The following PKD1L1 variants were observed in gnomAD, a reference collection of about 807,000 sequenced individuals.
PKD1L1 encodes the protein polycystin 1 like 1, transient receptor potential channel interacting.
In PKD1L1, 236 loss-of-function variants were observed where a neutral mutation model predicts 323.4. The observed-to-expected ratio is 0.73, with a 90% CI of 0.66 to 0.81. PKD1L1 has a LOEUF of 0.81. PKD1L1 is among the 40% of genes least tolerant of loss of function. The pLI is 0.00. For missense variants in PKD1L1, 3,320 were observed against 3,508.0 expected, an observed-to-expected ratio of 0.95 and a Z score of 1.35; for synonymous variants, 1,344 against 1,335.0, an observed-to-expected ratio of 1.01 and a Z score of -0.15.
intron 55 of PKD1L1, among the ~76,000 whole-genome samples, chr7:47,794,542 C>T (rs1442833237): frequency 6.6e-6 from 1 of 152,196 alleles, no homozygotes; most frequent in Non-Finnish European, 1.5e-5. Context: ...CCTGGATACC[C>T]AGGCAAAAGT....
chr7:47,795,916 C>T (rs2128724473), intron 55 of PKD1L1, 73 bp downstream of exon 55: 1 of 1,528,706 alleles, frequency 6.5e-7, no homozygotes, highest in Non-Finnish European at 8.9e-7. Context: ...TAACTGAAAG[C>T]AAAATTCTGC....
At chr7:47,827,715 G>A (rs1179803579) in intron 44 of PKD1L1, among the ~76,000 whole-genome samples, 1 of 152,198 alleles carries the variant, frequency 6.6e-6, no homozygotes, top group Non-Finnish European at 1.5e-5. Flanking sequence ...AGGGATTGCA[G>A]TTGGGCTATT....
chr7:47,940,463 G>T (rs1207493605), intron 2 of PKD1L1, 146 bp from the exon 3 acceptor site: 1 of 706,818 alleles, frequency 1.4e-6, no homozygotes, highest in Non-Finnish European at 2.3e-6. Flanking sequence ...GCGTGTCCTT[G>T]GGCTGCCGTG....
intron 34 of PKD1L1, among the ~76,000 whole-genome samples, chr7:47,841,371 C>T (rs577340147): frequency 1.3e-5 from 2 of 152,304 alleles, no homozygotes; most frequent in Non-Finnish European, 2.9e-5. Flanking sequence ...ATCTCAGGTG[C>T]TACAGTTTCA....
rs371888642 is a variant in PKD1L1, at chr7:47,905,175, C to A, written c.1673G>T (p.Arg558Ile). 1 of 1,613,930 alleles carries A rather than the reference C, an allele frequency of 6.2e-7. No homozygotes were observed. The highest frequency in any genetic ancestry group is 1.1e-5 in the South Asian group (1 of 91,038). The change falls in exon 11 of 57, where the codon AGA becomes ATA. Residue 558 changes from arginine (R) to isoleucine (I), a missense_variant. By Grantham distance (97) the Arg-to-Ile change is moderately conservative. Transcript: ENST00000289672. ...TACTGACCATTGGGGGATGCTGAGT[C>A]TTTTTTTAATGCTTCTTGAAGTTGT... ...VRTTSRSIKK[R>I]LSIPQWYRVM...
intron 7 of PKD1L1, among the ~76,000 whole-genome samples, chr7:47,918,944 G>A (rs1168444876): frequency 1.3e-5 from 2 of 151,916 alleles, no homozygotes; most frequent in Admixed American, 1.3e-4. Flanking sequence ...ACAATCTAAG[G>A]TCACACCTCA....
chr7:47,868,949 T>C (rs1213485651), intron 24 of PKD1L1, among the ~76,000 whole-genome samples: 6 of 152,170 alleles, frequency 3.9e-5, no homozygotes, highest in Non-Finnish European at 8.8e-5. Flanking sequence ...GTAACACTGA[T>C]AGATGTAACA....
At chr7:47,882,616 A>G (rs74361941) in intron 19 of PKD1L1, among the ~76,000 whole-genome samples, 3,154 of 144,422 alleles carry the variant, frequency 0.022, 92 homozygotes, top group African/African-American at 0.075. Context: ...AAGCATCTGA[A>G]GGAAGGAGTT....
chr7:47,957,860 A>ATATATATATATATATAT, the PKD1L1 span, among the ~76,000 whole-genome samples: 7,795 of 123,222 alleles, frequency 0.063, 502 homozygotes, highest in Admixed American at 0.11. Context: ...CAATTAAAAA[A>ATATATATATATATATAT]AAATATATAT....
At chr7:47,810,324 C>T (rs1346077398) in intron 50 of PKD1L1, among the ~76,000 whole-genome samples, 1 of 152,204 alleles carries the variant, frequency 6.6e-6, no homozygotes, top group Non-Finnish European at 1.5e-5. Flanking sequence ...AAGAAACTAT[C>T]AGGAAAACTG....
At chr7:47,834,863 A>C in intron 39 of PKD1L1, 104 bp downstream of exon 39, 2 of 952,198 alleles carry the variant, frequency 2.1e-6, no homozygotes, top group East Asian at 4.9e-5. Context: ...ACTCATAATA[A>C]ACATAATGCA....
chr7:47,821,620 T>A (rs937078877), intron 45 of PKD1L1, among the ~76,000 whole-genome samples: 2 of 151,594 alleles, frequency 1.3e-5, no homozygotes, highest in African/African-American at 2.4e-5. Flanking sequence ...AAAATTTTTG[T>A]ATAATAGTGT....
chr7:47,847,178 A>G (rs370573594), intron 31 of PKD1L1, 107 bp from the exon 32 acceptor site: 14 of 762,022 alleles, frequency 1.8e-5, no homozygotes, highest in Admixed American at 7.6e-5. Context: ...CAAGGACTAC[A>G]GATGAGCAAG....
intron 12 of PKD1L1, 124 bp from the exon 13 acceptor site, chr7:47,902,635 TAAG>T (rs1010821633): frequency 1.1e-5 from 14 of 1,222,538 alleles, no homozygotes; most frequent in Admixed American, 9.2e-5. Context: ...ATCCCATGAA[TAAG>T]AACAGAAGAG....
intron 45 of PKD1L1, among the ~76,000 whole-genome samples, chr7:47,822,455 C>T (rs1226655009): frequency 6.6e-6 from 1 of 151,580 alleles, no homozygotes; most frequent in Non-Finnish European, 1.5e-5. Flanking sequence ...AAGAGCCAGG[C>T]ATGGTGGCAG....
chr7:47,775,871 G>A (rs1377502604), intron 56 of PKD1L1, among the ~76,000 whole-genome samples: 4 of 147,558 alleles, frequency 2.7e-5, no homozygotes, highest in Admixed American at 6.7e-5. Flanking sequence ...TCCTTGAGAA[G>A]ATCAATTAAA....
chr7:47,804,435 A>C (rs765239459), intron 52 of PKD1L1, among the ~76,000 whole-genome samples: 3 of 152,040 alleles, frequency 2.0e-5, no homozygotes, highest in Non-Finnish European at 2.9e-5. Context: ...ATATGTAACC[A>C]ACATAAAAAT....
chr7:47,862,339 A>G (rs1390392471), intron 26 of PKD1L1, among the ~76,000 whole-genome samples: 2 of 152,104 alleles, frequency 1.3e-5, no homozygotes, highest in East Asian at 3.9e-4. Context: ...TCCCACCTAG[A>G]CTGGAGGTTG....
At position 47,893,945 on chromosome 7, in the gene PKD1L1, T is replaced by G; in HGVS notation, c.2386A>C (p.Thr796Pro). 1 of 1,613,628 alleles carries G rather than the reference T, an allele frequency of 6.2e-7. No individual in the cohort carries two copies. The highest frequency in any genetic ancestry group is 1.3e-5 in the African/African-American group (1 of 74,852). ...CCTCTGAGGACAATGGGGGATGAGG[T>G]GGTCCTGGAGAAGAATAGGTGTGTG... Reference protein sequence around the residue: ...EGTHLFFSRTTSSPIVLRGTQ... With the variant: ...EGTHLFFSRTPSSPIVLRGTQ... The change falls in exon 15 of 57, where the codon ACC becomes CCC. Residue 796 changes from threonine (T) to proline (P), a missense_variant. By Grantham distance (38) the Thr-to-Pro change is conservative. Transcript: ENST00000289672.
Sources: gnomAD v4.1 joint callset for allele counts (sites outside exome capture counted in the v4.1 genomes callset) on GRCh38, gnomAD v4.1.1 for gene constraint, MANE v1.5 for transcripts, NCBI Gene and HGNC (gene_info 2026-07-23, HGNC 2026-07-21) for gene names.